PDGFRA: variants seen among roughly 807,000 people sequenced by gnomAD.
The protein encoded by PDGFRA is platelet derived growth factor receptor alpha, also known as platelet-derived growth factor receptor alpha.
A neutral mutation model predicts 121.5 loss-of-function variants in PDGFRA; 25 were observed. The ratio of observed to expected loss-of-function variants is 0.21; its 90% CI spans 0.15 to 0.29. PDGFRA has a LOEUF of 0.29. PDGFRA is among the 10% of genes least tolerant of loss of function. The pLI, the probability that PDGFRA is intolerant of heterozygous loss-of-function variation, is 1.00. For synonymous variants in PDGFRA, 463 were observed against 494.8 expected, an observed-to-expected ratio of 0.94 and a Z score of 0.85; for missense variants, 1,008 against 1,345.1, an observed-to-expected ratio of 0.75 and a Z score of 3.92.
chr4:54,280,287 G>A (rs746520843), intron 15 of PDGFRA, 29 bp from the exon 16 acceptor site: 1 of 1,603,944 alleles, frequency 6.2e-7, no homozygotes, highest in South Asian at 1.1e-5. Context: ...AGGGCACCCT[G>A]GGTAAGATTT....
Position 54,285,501 on chromosome 4 carries a change from C to T in PDGFRA, c.2439+15C>T, listed in dbSNP as rs751815954. 1 of 1,119,354 alleles carries T rather than the reference C, an allele frequency of 8.9e-7. No homozygotes were observed. The highest frequency in any genetic ancestry group is 1.5e-5 in the African/African-American group (1 of 65,586). 69.3% of individuals were successfully genotyped at this position (1,119,354 alleles called of 1,614,324 possible). A position where few individuals can be genotyped will look rare whatever the true frequency, so the allele number is the denominator to read the frequency against. ...CTTCAAAAAATGTAAGTTCAAGGAACACAGACCTTTTTAGACCCAGATTTC... is the reference window on the plus strand; with the variant it reads ...CTTCAAAAAATGTAAGTTCAAGGAATACAGACCTTTTTAGACCCAGATTTC... On this transcript the variant is annotated intron_variant, in intron 17 of 22. Coordinates refer to ENST00000257290, the MANE Select transcript of PDGFRA (RefSeq NM_006206.6).
chr4:54,295,302 C>T lies in PDGFRA; in HGVS notation c.*30C>T, dbSNP rs1340870552. The T allele has an allele frequency of 6.2e-7, 1 of 1,612,066 alleles. No homozygotes were observed. Among genetic ancestry groups the T allele is most frequent in the Non-Finnish European group, 8.5e-7 (1 of 1,178,426 alleles). On this transcript the variant is annotated 3_prime_UTR_variant, in exon 23 of 23. Coordinates refer to ENST00000257290, the MANE Select transcript of PDGFRA (RefSeq NM_006206.6). ...CGGATTCGAGGGGTTCCTTCCACTT[C>T]TGGGGCCACCTCTGGATCCCGTTCA... is the stretch of plus-strand genomic sequence containing the variant.
chr4:54,270,670 G>C lies in PDGFRA; in HGVS notation c.1159G>C (p.Glu387Gln), dbSNP rs757529905. ...SKLKLIRAKE[E>Q]DSGHYTIVAQ... Reference sequence around the variant, plus strand: ...ATTAAAGCTGATCCGTGCTAAGGAAGAAGACAGTGGCCATTATACTATTGT... The same window carrying C: ...ATTAAAGCTGATCCGTGCTAAGGAACAAGACAGTGGCCATTATACTATTGT... The change falls in exon 8 of 23, where the codon GAA (glutamate) becomes CAA (glutamine). Residue 387 changes from glutamate to glutamine, a missense_variant. Transcript: ENST00000257290. 10 of 1,612,484 alleles carry C rather than the reference G, an allele frequency of 6.2e-6. No homozygotes were observed. The highest frequency in any genetic ancestry group is 7.6e-6 in the Non-Finnish European group (9 of 1,178,622).
chr4:54,264,364 C>A, intron 4 of PDGFRA: 1 of 263,194 alleles, frequency 3.8e-6, no homozygotes, highest in South Asian at 5.4e-5. Context: ...AAGTATAATA[C>A]ATGCTGAGGT....
At chr4:54,284,046 T>C (rs1236538348) in intron 16 of PDGFRA, among the ~76,000 whole-genome samples, 2 of 152,262 alleles carry the variant, frequency 1.3e-5, no homozygotes, top group Non-Finnish European at 2.9e-5. Flanking sequence ...AGGTCATCAC[T>C]CTCAAGTTCA....
Position 54,274,952 on chromosome 4 carries a change from C to T in PDGFRA, c.1765C>T (p.Pro589Ser). 6.2e-7 allele frequency: 1 copy of T among 1,614,124 alleles called. No homozygotes were observed. Among genetic ancestry groups the T allele is most frequent in the East Asian group, 2.2e-5 (1 of 44,884 alleles). Residue 589 changes from proline (P) to serine (S), a missense_variant, in exon 12 of 23, where the codon CCA becomes TCA. Around this residue, in one of 5 missense-constraint regions of PDGFRA, gnomAD observed 61 missense variants for 125.3 expected, o/e 0.49. Coordinates refer to ENST00000257290, the MANE Select transcript of PDGFRA (RefSeq NM_006206.6). ...QLPYDSRWEF[P>S]RDGLVLGRVL... The stretch of plus-strand genomic sequence containing the variant: ...GCCTTATGACTCAAGATGGGAGTTT[C>T]CAAGAGATGGACTAGTGCTTGGTAA...
intron 1 of PDGFRA, among the ~76,000 whole-genome samples, chr4:54,234,209 T>C (rs1720878127): frequency 6.6e-6 from 1 of 152,010 alleles, no homozygotes; most frequent in Non-Finnish European, 1.5e-5. Flanking sequence ...GTCCCCGAAT[T>C]CTCCTGGGGT....
intron 17 of PDGFRA, 147 bp from the exon 18 acceptor site, chr4:54,285,694 G>A (rs1182026153): frequency 4.6e-6 from 4 of 868,082 alleles, no homozygotes; most frequent in Non-Finnish European, 7.7e-6. Context: ...GTTGGGAGTG[G>A]GTGGAGTGAG....
intron 1 of PDGFRA, among the ~76,000 whole-genome samples, chr4:54,248,248 G>C (rs1025549899): frequency 6.6e-6 from 1 of 152,250 alleles, no homozygotes; most frequent in Admixed American, 6.5e-5. Context: ...AAAAGAGCCC[G>C]CATCGCCAAG....
chr4:54,243,443 C>T (rs1260900330), intron 1 of PDGFRA: 1 of 152,170 alleles, frequency 6.6e-6, no homozygotes, highest in African/African-American at 2.4e-5. Context: ...ATTTTGCTTA[C>T]TTTAATGGGT....
chr4:54,285,339 C>G (rs1379550389), intron 16 of PDGFRA, 32 bp from the exon 17 acceptor site: 2 of 854,448 alleles, frequency 2.3e-6, no homozygotes, highest in Non-Finnish European at 4.1e-6. Context: ...TGCTGCCTGC[C>G]AGCACCAATA....
intron 7 of PDGFRA, among the ~76,000 whole-genome samples, chr4:54,268,098 T>C (rs1378291994): frequency 2.0e-5 from 3 of 152,222 alleles, no homozygotes; most frequent in Admixed American, 2.0e-4. Context: ...TAGACAGATA[T>C]GGTGATTACA....
At chr4:54,271,039 G>A (rs776276954) in intron 8 of PDGFRA, among the ~76,000 whole-genome samples, 1 of 152,136 alleles carries the variant, frequency 6.6e-6, no homozygotes, top group African/African-American at 2.4e-5. Context: ...CTGGGTTCAA[G>A]CTATCTTCCC....
chr4:54,277,263 A>G (rs1560482499), intron 12 of PDGFRA, 125 bp from the exon 13 acceptor site: 1 of 753,914 alleles, frequency 1.3e-6, no homozygotes, highest in African/African-American at 1.7e-5. Flanking sequence ...TGGAGGAGTC[A>G]TTATGATTAC....
rs773492253 is a variant in PDGFRA at position 54,274,526 on chromosome 4, C to T, written c.1559-5C>T. The T allele has an allele frequency of 3.5e-5, 57 of 1,608,534 alleles. No homozygotes were observed. In the East Asian group the frequency reaches 4.9e-4, roughly 14 times the overall value. ...TTCATTGTGCCTCTCTCTCTTGTCA[C>T]GTAGCCCTGCGTTCTGAACTCACGG... On this transcript the variant is annotated splice_polypyrimidine_tract_variant and splice_region_variant and intron_variant, in intron 10 of 22. Coordinates refer to ENST00000257290, the MANE Select transcript of PDGFRA (RefSeq NM_006206.6).
intron 8 of PDGFRA, 52 bp downstream of exon 8, chr4:54,270,800 C>T (rs1560476048): frequency 5.8e-6 from 6 of 1,039,592 alleles, no homozygotes; most frequent in Non-Finnish European, 9.1e-6. Context: ...GAGTGTCTTC[C>T]AAGGAAAGCC....
chr4:54,244,654 A>C (rs926747574), intron 1 of PDGFRA, among the ~76,000 whole-genome samples: 2 of 152,242 alleles, frequency 1.3e-5, no homozygotes, highest in African/African-American at 4.8e-5. Flanking sequence ...TCTGAAAAGC[A>C]GAGCGCCTCT....
intron 14 of PDGFRA, 119 bp downstream of exon 14, chr4:54,278,125 T>C (rs1326914435): frequency 3.0e-5 from 23 of 763,194 alleles, no homozygotes; most frequent in South Asian, 2.3e-4. Flanking sequence ...TAGAAGTCCC[T>C]TGAATGGAGC....
chr4:54,237,252 G>A (rs1337672746), intron 1 of PDGFRA, among the ~76,000 whole-genome samples: 1 of 152,160 alleles, frequency 6.6e-6, no homozygotes, highest in East Asian at 1.9e-4. Context: ...TTACAGATGT[G>A]AGCCACCACG....
Sources: gnomAD v4.1 joint callset for allele counts (sites outside exome capture counted in the v4.1 genomes callset) on GRCh38, gnomAD v4.1.1 for gene constraint, gnomAD v4.1.1 regional missense constraint, MANE v1.5 for transcripts, NCBI Gene and HGNC (gene_info 2026-07-23, HGNC 2026-07-21) for gene names.